Variants in SLC44A5 observed in about 807,000 individuals in gnomAD.
The protein encoded by SLC44A5 is solute carrier family 44 member 5.
Under a neutral mutation model 101.8 loss-of-function variants are expected in SLC44A5, and 57 were observed. The ratio of observed to expected loss-of-function variants is 0.56; its 90% CI spans 0.45 to 0.70. SLC44A5 has a LOEUF of 0.70. SLC44A5 is among the 30% of genes least tolerant of loss of function. The pLI, the probability that SLC44A5 is intolerant of heterozygous loss-of-function variation, is 0.00. For synonymous variants in SLC44A5, 281 were observed against 290.9 expected, an observed-to-expected ratio of 0.97 and a Z score of 0.35; for missense variants, 737 against 853.1, an observed-to-expected ratio of 0.86 and a Z score of 1.70.
At chr1:75,572,373 G>C (rs183767968) in intron 1 of SLC44A5, among the ~76,000 whole-genome samples, 2 of 152,308 alleles carry the variant, frequency 1.3e-5, no homozygotes, top group East Asian at 3.9e-4. Context: ...TATTAGTGAA[G>C]TGTTCAAGCA....
intron 2 of SLC44A5, among the ~76,000 whole-genome samples, chr1:75,414,031 T>C (rs1455575696): frequency 3.9e-5 from 6 of 152,146 alleles, no homozygotes; most frequent in Non-Finnish European, 8.8e-5. Flanking sequence ...GGAACCGTAA[T>C]TTTTTCACCA....
At chr1:75,338,187 G>T (rs1000148361) in intron 4 of SLC44A5, among the ~76,000 whole-genome samples, 1 of 152,312 alleles carries the variant, frequency 6.6e-6, no homozygotes, top group Non-Finnish European at 1.5e-5. Context: ...TCTTTGTGGT[G>T]CCGGAGGCAT....
the SLC44A5 span, among the ~76,000 whole-genome samples, chr1:75,643,485 C>T: frequency 6.6e-6 from 1 of 152,062 alleles, no homozygotes; most frequent in Non-Finnish European, 1.5e-5. Context: ...CATTAGTTAA[C>T]ATGATAGAAA....
At position 75,452,154 on chromosome 1, in the gene SLC44A5, G is replaced by A. The variant is rs531681185; in HGVS notation, c.14-55533C>T. Among the ~76,000 whole-genome samples, 4 of 152,184 alleles carry A rather than the reference G, an allele frequency of 2.6e-5. No individual in the cohort carries two copies. In the South Asian group the frequency reaches 8.3e-4, roughly 32 times the overall value. On this transcript the variant is annotated intron_variant, in intron 2 of 23. Transcript: ENST00000370859. Reference sequence around the variant, plus strand: ...AATCTTAAAGGCAGCTAGAGAAAAAGGTCAGATCACATACAAAGGTAACTC... The same window carrying A: ...AATCTTAAAGGCAGCTAGAGAAAAAAGTCAGATCACATACAAAGGTAACTC...
intron 7 of SLC44A5, among the ~76,000 whole-genome samples, chr1:75,243,671 C>T (rs1648857557): frequency 6.6e-6 from 1 of 151,986 alleles, no homozygotes; most frequent in Non-Finnish European, 1.5e-5. Flanking sequence ...CTTTCATAAC[C>T]ATAACACAAT....
At chr1:75,615,726 A>ACACG, upstream of SLC44A5, 1 of 489,116 alleles carries the variant, frequency 2.0e-6, no homozygotes, top group Non-Finnish European at 2.7e-6. Context: ...CCCTCCCCGG[A>ACACG]CACGGCAAAC....
intron 3 of SLC44A5, chr1:75,357,111 C>T (rs1287139287): frequency 6.9e-6 from 3 of 437,604 alleles, no homozygotes; most frequent in Non-Finnish European, 1.4e-5. Flanking sequence ...AATTTTAATT[C>T]CCACATCCAT....
intron 2 of SLC44A5, among the ~76,000 whole-genome samples, chr1:75,452,696 T>A (rs1169782830): frequency 6.6e-6 from 1 of 151,812 alleles, no homozygotes; most frequent in African/African-American, 2.4e-5. Flanking sequence ...AAGTAAAGGG[T>A]TGGAGAAAGA....
chr1:75,262,969 A>C (rs549718991), intron 6 of SLC44A5, among the ~76,000 whole-genome samples: 1 of 152,202 alleles, frequency 6.6e-6, no homozygotes, highest in South Asian at 2.1e-4. Flanking sequence ...TACCTTATAC[A>C]AAAAGTAACT....
the SLC44A5 span, chr1:75,641,806 A>G: frequency 2.0e-6 from 3 of 1,528,868 alleles, no homozygotes; most frequent in Non-Finnish European, 1.8e-6. Context: ...AAAGACAATC[A>G]CATAAAGGCC....
At chr1:75,293,385 A>T (rs1254300697) in intron 5 of SLC44A5, among the ~76,000 whole-genome samples, 1 of 152,176 alleles carries the variant, frequency 6.6e-6, no homozygotes, top group Admixed American at 6.6e-5. Flanking sequence ...TTGCACCGAC[A>T]CTTAAAAATT....
chr1:75,344,796 T>C (rs1360852327), intron 3 of SLC44A5, among the ~76,000 whole-genome samples: 4 of 152,240 alleles, frequency 2.6e-5, no homozygotes, highest in African/African-American at 9.6e-5. Flanking sequence ...TCTAGAATCG[T>C]AAGATAATAA....
At chr1:75,652,160 C>T in the SLC44A5 span, among the ~76,000 whole-genome samples, 1 of 152,150 alleles carries the variant, frequency 6.6e-6, no homozygotes, top group Non-Finnish European at 1.5e-5. Context: ...ACATGCAGCC[C>T]CTCCCAAGTG....
the SLC44A5 span, among the ~76,000 whole-genome samples, chr1:75,691,381 T>A: frequency 6.6e-6 from 1 of 152,094 alleles, no homozygotes; most frequent in Non-Finnish European, 1.5e-5. Flanking sequence ...ATAAAAATGG[T>A]ATTTAATACC....
At chr1:75,450,898 C>T (rs1319580609) in intron 2 of SLC44A5, among the ~76,000 whole-genome samples, 1 of 152,194 alleles carries the variant, frequency 6.6e-6, no homozygotes, top group Non-Finnish European at 1.5e-5. Flanking sequence ...GGTCCAGCCT[C>T]CTGAGCCACC....
intron 3 of SLC44A5, among the ~76,000 whole-genome samples, chr1:75,351,868 A>AAAAAGAGAG (rs1553165361): frequency 5.1e-5 from 3 of 58,522 alleles, no homozygotes; most frequent in Non-Finnish European, 7.4e-5. Flanking sequence ...AAAAAAAAAA[A>AAAAAGAGAG]AGAGAGAGAG....
intron 2 of SLC44A5, among the ~76,000 whole-genome samples, chr1:75,534,677 A>C (rs1004379315): frequency 1.3e-5 from 2 of 152,252 alleles, no homozygotes; most frequent in Non-Finnish European, 2.9e-5. Context: ...GTCCTCATTA[A>C]TAGGAACTGG....
chr1:75,477,717 A>T (rs1378975547), intron 2 of SLC44A5, among the ~76,000 whole-genome samples: 1 of 152,206 alleles, frequency 6.6e-6, no homozygotes, highest in Non-Finnish European at 1.5e-5. Context: ...GAATAAAAAG[A>T]AACGAACAAA....
At chr1:75,238,385 C>CTT (rs1368214357) in intron 10 of SLC44A5, 128 bp downstream of exon 10, 1 of 201,462 alleles carries the variant, frequency 5.0e-6, no homozygotes, top group Non-Finnish European at 8.9e-6. Flanking sequence ...ACGTATATTT[C>CTT]ATATATATAT....
Sources: gnomAD v4.1 joint callset for allele counts (sites outside exome capture counted in the v4.1 genomes callset) on GRCh38, gnomAD v4.1.1 for gene constraint, MANE v1.5 for transcripts, NCBI Gene and HGNC (gene_info 2026-07-23, HGNC 2026-07-21) for gene names.